ACBD6: variants seen among roughly 807,000 people sequenced by gnomAD.
ACBD6 encodes the protein acyl-CoA binding domain containing 6, also known as acyl-CoA-binding domain-containing protein 6.
ACBD6 carries 28 observed loss-of-function variants against 37.2 expected under a neutral mutation model. The ratio of observed to expected loss-of-function variants is 0.75; its 90% CI spans 0.56 to 1.03. ACBD6 has a LOEUF of 1.03. Ranked by LOEUF, ACBD6 falls within the 50% of genes least tolerant of loss-of-function variation. ACBD6 has a pLI of 0.00. For missense variants in ACBD6, 340 were observed against 337.4 expected, an observed-to-expected ratio of 1.01 and a Z score of -0.06; for synonymous variants, 113 against 126.8, an observed-to-expected ratio of 0.89 and a Z score of 0.73.
At chr1:180,430,057 T>C in intron 4 of ACBD6, 123 bp downstream of exon 4, 1 of 816,848 alleles carries the variant, frequency 1.2e-6, no homozygotes, top group South Asian at 1.6e-5. Flanking sequence ...GCTTCACAAA[T>C]TGAAGATTTC....
chr1:180,301,366 T>C (rs1223779485), intron 7 of ACBD6, among the ~76,000 whole-genome samples: 1 of 152,072 alleles, frequency 6.6e-6, no homozygotes, highest in Non-Finnish European at 1.5e-5. Context: ...GGCTGACTAG[T>C]AGCCTTACCA....
chr1:180,424,745 T>A (rs1364375749), intron 4 of ACBD6, among the ~76,000 whole-genome samples: 3 of 151,114 alleles, frequency 2.0e-5, no homozygotes, highest in Non-Finnish European at 4.4e-5. Context: ...AGAACAAAAC[T>A]GGAAAAAGGA....
chr1:180,425,180 G>A (rs1000018657), intron 4 of ACBD6, among the ~76,000 whole-genome samples: 4 of 152,168 alleles, frequency 2.6e-5, no homozygotes, highest in Non-Finnish European at 1.5e-5. Flanking sequence ...GGGAGGTAGA[G>A]AGGAGGAAGG....
At chr1:180,335,644 C>A (rs1329489172) in intron 6 of ACBD6, among the ~76,000 whole-genome samples, 2 of 150,500 alleles carry the variant, frequency 1.3e-5, no homozygotes, top group East Asian at 1.9e-4. Flanking sequence ...ATGACAGGAT[C>A]AAATTCACAC....
At chr1:180,339,153 T>C (rs374155410) in intron 6 of ACBD6, among the ~76,000 whole-genome samples, 4 of 152,102 alleles carry the variant, frequency 2.6e-5, no homozygotes, top group African/African-American at 2.4e-5. Flanking sequence ...ACTAGAAATA[T>C]CATTTGACCC....
chr1:180,440,940 T>C (rs1349618252), intron 3 of ACBD6, among the ~76,000 whole-genome samples: 1 of 152,220 alleles, frequency 6.6e-6, no homozygotes, highest in Non-Finnish European at 1.5e-5. Context: ...AAATTTTGCT[T>C]ATCCACTCAT....
At chr1:180,329,306 G>C (rs1651386371) in intron 6 of ACBD6, among the ~76,000 whole-genome samples, 1 of 152,144 alleles carries the variant, frequency 6.6e-6, no homozygotes, top group African/African-American at 2.4e-5. Context: ...GACTACTTTT[G>C]CTTTTTGTTG....
At chr1:180,335,338 G>A (rs1651663204) in intron 6 of ACBD6, among the ~76,000 whole-genome samples, 1 of 152,186 alleles carries the variant, frequency 6.6e-6, no homozygotes, top group Non-Finnish European at 1.5e-5. Flanking sequence ...CAAGCCAGGA[G>A]AGAGTGGGGG....
At chr1:180,382,124 AAAAAAG>A (rs1451091815) in intron 6 of ACBD6, among the ~76,000 whole-genome samples, 5 of 151,362 alleles carry the variant, frequency 3.3e-5, no homozygotes, top group Non-Finnish European at 7.4e-5. Context: ...CAAAAAAAAA[AAAAAAG>A]AAAAGAAAAG....
intron 3 of ACBD6, among the ~76,000 whole-genome samples, chr1:180,443,494 C>T (rs951146740): frequency 2.0e-5 from 3 of 152,160 alleles, no homozygotes; most frequent in Non-Finnish European, 2.9e-5. Context: ...TATTCAGCCC[C>T]GCAAATTCTA....
At chr1:180,344,826 C>T (rs1424109838) in intron 6 of ACBD6, among the ~76,000 whole-genome samples, 2 of 152,136 alleles carry the variant, frequency 1.3e-5, no homozygotes, top group Non-Finnish European at 2.9e-5. Context: ...AGAATCAACA[C>T]AGATAATACA....
chr1:180,411,685 A>C (rs1168866391), intron 5 of ACBD6, among the ~76,000 whole-genome samples: 1 of 152,184 alleles, frequency 6.6e-6, no homozygotes. Context: ...TTGTTTTTTG[A>C]GATGGAGTCT....
chr1:180,294,365 C>A (rs958413783), intron 7 of ACBD6, among the ~76,000 whole-genome samples: 2 of 151,672 alleles, frequency 1.3e-5, no homozygotes, highest in African/African-American at 4.8e-5. Flanking sequence ...ATGGTGAAAC[C>A]CTGTCTGTAC....
At chr1:180,465,263 T>C (rs911051104) in intron 3 of ACBD6, among the ~76,000 whole-genome samples, 2 of 152,046 alleles carry the variant, frequency 1.3e-5, no homozygotes, top group African/African-American at 4.8e-5. Context: ...CTGAAAACTA[T>C]ACATCTGACA....
chr1:180,348,366 G>A (rs1335692432), intron 6 of ACBD6, among the ~76,000 whole-genome samples: 1 of 152,146 alleles, frequency 6.6e-6, no homozygotes, highest in Admixed American at 6.6e-5. Flanking sequence ...ACCACTTTTG[G>A]TCCAAAAAAT....
intron 5 of ACBD6, among the ~76,000 whole-genome samples, chr1:180,409,655 T>C (rs539969902): frequency 4.6e-5 from 7 of 152,310 alleles, no homozygotes; most frequent in African/African-American, 7.2e-5. Flanking sequence ...AGATGGCAAA[T>C]TTAACCAACA....
chr1:180,382,845 A>T (rs892707786), intron 6 of ACBD6, among the ~76,000 whole-genome samples: 1 of 152,258 alleles, frequency 6.6e-6, no homozygotes, highest in Non-Finnish European at 1.5e-5. Flanking sequence ...TACAGAATAC[A>T]TCATGATCAA....
At chr1:180,378,628 G>C (rs1488370453) in intron 6 of ACBD6, among the ~76,000 whole-genome samples, 1 of 152,190 alleles carries the variant, frequency 6.6e-6, no homozygotes, top group Non-Finnish European at 1.5e-5. Context: ...AGTGTAAACT[G>C]TTAATGTTGG....
chr1:180,435,176 G>A (rs550475232), intron 3 of ACBD6: 10 of 688,144 alleles, frequency 1.5e-5, no homozygotes, highest in East Asian at 5.3e-5. Flanking sequence ...GCTGCGACAC[G>A]GATTTCAACA....
Sources: gnomAD v4.1 joint callset for allele counts (sites outside exome capture counted in the v4.1 genomes callset) on GRCh38, gnomAD v4.1.1 for gene constraint, MANE v1.5 for transcripts, NCBI Gene and HGNC (gene_info 2026-07-23, HGNC 2026-07-21) for gene names.